Variants in MED23 observed in about 807,000 individuals in gnomAD.
MED23 encodes mediator of RNA polymerase II transcription subunit 23.
Under a neutral mutation model 163.9 loss-of-function variants are expected in MED23, and 105 were observed. That is an observed-to-expected ratio of 0.64 (90% CI 0.55 to 0.75). The LOEUF is 0.75. Among genes scored for constraint, MED23 ranks in the 30% least tolerant of loss-of-function variants. The pLI is 0.00. For synonymous variants in MED23, 561 were observed against 565.6 expected (o/e 0.99, Z 0.12); for missense variants, 1,054 against 1,649.0 (o/e 0.64, Z 6.25).
intron 21 of MED23, 116 bp from the exon 22 acceptor site, chr6:131,596,279 T>C (rs1037515066): frequency 3.1e-6 from 3 of 967,072 alleles, no homozygotes; most frequent in Admixed American, 4.3e-5. Flanking sequence ...TTTAAAATTA[T>C]ACTTGATTAT....
rs917020235 is a variant in MED23, at chr6:131,615,503, C to CAAAAAAAAA, written c.876+395_876+403dup. Among the ~76,000 whole-genome samples, 17 of 14,160 alleles carry CAAAAAAAAA rather than the reference C, an allele frequency of 1.2e-3. 3 individuals carry two copies. The highest frequency in any genetic ancestry group is 3.3e-3 in the Admixed American group (3 of 918). The allele number at this position is 14,160 out of a possible 152,430, so 9.3% of individuals were successfully genotyped here. A position where few individuals can be genotyped will look rare whatever the true frequency, so the allele number is the denominator to read the frequency against. On this transcript the variant is annotated intron_variant, in intron 10 of 28. Transcript: ENST00000368068. ...CCACCAAAAACAAGCAAACACACACCAAAAAAAAAAAAAAAAAAAAAAAAA... is the reference window on the plus strand; with the variant it reads ...CCACCAAAAACAAGCAAACACACACCAAAAAAAAAAAAAAAAAAAAAAAAAAAAAAAAAA...
At chr6:131,600,219 A>G (rs1331322313) in intron 17 of MED23, 57 bp from the exon 18 acceptor site, 3 of 1,477,736 alleles carry the variant, frequency 2.0e-6, no homozygotes, top group Non-Finnish European at 2.8e-6. Flanking sequence ...CACAATTCAT[A>G]AAAGATTATA....
downstream of MED23, chr6:131,582,908 G>C (rs1774009046): frequency 1.3e-6 from 1 of 762,304 alleles, no homozygotes; most frequent in East Asian, 2.7e-5. Flanking sequence ...TTGACTTGCT[G>C]TTAAAAATAA....
chr6:131,607,836 G>A, intron 12 of MED23, 92 bp downstream of exon 12: 1 of 1,404,282 alleles, frequency 7.1e-7, no homozygotes, highest in South Asian at 1.2e-5. Flanking sequence ...ATAAACTTTA[G>A]AAATACACAA....
intron 30 of MED23, chr6:131,576,595 AG>A: frequency 7.0e-7 from 1 of 1,423,368 alleles, no homozygotes; most frequent in Non-Finnish European, 9.9e-7. Context: ...AATAATGAAA[AG>A]GGTTCCTGCT....
intron 28 of MED23, among the ~76,000 whole-genome samples, chr6:131,589,176 T>G (rs1774400582): frequency 6.6e-6 from 1 of 152,166 alleles, no homozygotes; most frequent in South Asian, 2.1e-4. Context: ...ATCCCACTGT[T>G]TCTCCCTAAT....
intron 2 of MED23, 56 bp from the exon 3 acceptor site, chr6:131,627,539 C>G (rs1346898002): frequency 3.1e-6 from 5 of 1,588,514 alleles, no homozygotes; most frequent in Non-Finnish European, 4.3e-6. Flanking sequence ...TAATTACACA[C>G]AATCAGAATA....
At chr6:131,627,934 CCA>C (rs2114801185) in intron 1 of MED23, 75 bp downstream of exon 1, 1 of 1,586,626 alleles carries the variant, frequency 6.3e-7, no homozygotes, top group African/African-American at 1.3e-5. Context: ...GTTGCCCAGG[CCA>C]GTTTCCTTGG....
chr6:131,590,511 G>A, intron 26 of MED23, 69 bp from the exon 27 acceptor site: 1 of 1,128,752 alleles, frequency 8.9e-7, no homozygotes, highest in South Asian at 1.3e-5. Context: ...TGTTCATACA[G>A]TATATACAAA....
At chr6:131,586,682 C>T (rs1431154948), downstream of MED23, 21 of 1,301,962 alleles carry the variant, frequency 1.6e-5, no homozygotes, top group Admixed American at 4.9e-4. Flanking sequence ...TTCCAACTGA[C>T]CCCAGCCAGC....
chr6:131,593,454 A>C lies in MED23; in HGVS notation c.3233-283T>G, dbSNP rs541720730. Among the ~76,000 whole-genome samples the C allele has an allele frequency of 5.9e-5, 9 of 152,138 alleles. 1 individual carries two copies. The South Asian group carries it at 1.7e-3, about 28-fold the overall frequency. ...TAGGTTTCATGAGCCTATTTCTTTT[A>C]ATAGTTATAAGACATTAATATGAAA... On this transcript the variant is annotated intron_variant, in intron 23 of 28. Transcript: ENST00000368068.
At chr6:131,574,068 T>C in exon 31 of MED23, 1 of 600,160 alleles carries the variant, frequency 1.7e-6, no homozygotes, top group Non-Finnish European at 3.0e-6. Context: ...AATACACTTT[T>C]TTTTCTGCCT....
At chr6:131,602,139 G>T in intron 17 of MED23, 79 bp downstream of exon 17, 1 of 1,467,038 alleles carries the variant, frequency 6.8e-7, no homozygotes, top group Non-Finnish European at 9.5e-7. Context: ...TTTTTAGTAT[G>T]TTACAACTAT....
chr6:131,596,825 A>G (rs1775083160), intron 20 of MED23, 137 bp from the exon 21 acceptor site: 1 of 809,702 alleles, frequency 1.2e-6, no homozygotes, highest in Non-Finnish European at 2.0e-6. Flanking sequence ...ATCCCAAACC[A>G]ACTGTTCAGT....
intron 11 of MED23, 123 bp from the exon 12 acceptor site, chr6:131,608,194 A>G (rs1775997957): frequency 4.7e-6 from 5 of 1,056,200 alleles, no homozygotes; most frequent in South Asian, 4.1e-5. Context: ...TGAGAAAGTC[A>G]GCATCTAACT....
At chr6:131,579,266 G>A in intron 30 of MED23, 1 of 1,614,072 alleles carries the variant, frequency 6.2e-7, no homozygotes. Flanking sequence ...AATCAGCCTG[G>A]TGCTGGGCGG....
intron 25 of MED23, chr6:131,592,101 C>A (rs1453751998): frequency 2.7e-5 from 12 of 448,110 alleles, no homozygotes; most frequent in Non-Finnish European, 4.0e-5. Flanking sequence ...AAGAGTAGAT[C>A]AAGCTATTAT....
intron 7 of MED23, 121 bp downstream of exon 7, chr6:131,620,507 C>G: frequency 1.4e-6 from 1 of 711,084 alleles, no homozygotes; most frequent in Non-Finnish European, 2.6e-6. Flanking sequence ...GTTATGTTAC[C>G]CAGGTTGGGT....
chr6:131,596,181 T>C lies in MED23; in HGVS notation c.2779-18A>G, dbSNP rs374041090. The C allele has an allele frequency of 5.6e-6, 9 of 1,604,174 alleles. No homozygotes were observed. Among genetic ancestry groups the C allele is most frequent in the Non-Finnish European group, 6.8e-6 (8 of 1,171,072 alleles). ...GGATATTTCTGTGGAATTGAGAAGA[T>C]GATAAATGGTTAGAGCATTTTTTAA... On this transcript the variant is annotated intron_variant, in intron 21 of 28. Coordinates refer to ENST00000368068, the MANE Select transcript of MED23 (RefSeq NM_004830.4).
Sources: allele counts gnomAD v4.1 joint callset (sites outside exome capture counted in the v4.1 genomes callset), GRCh38; gene constraint gnomAD v4.1.1; transcripts MANE v1.5; gene names NCBI Gene and HGNC (gene_info 2026-07-23, HGNC 2026-07-21).